RSU1: variants seen among roughly 807,000 people sequenced by gnomAD.
RSU1 encodes Ras suppressor protein 1.
Under a neutral mutation model 31.1 loss-of-function variants are expected in RSU1, and 26 were observed. The ratio of observed to expected loss-of-function variants is 0.84; its 90% CI spans 0.61 to 1.16. The LOEUF (loss-of-function observed/expected upper bound fraction) is 1.16. Ranked by LOEUF, RSU1 falls within the 50% of genes most tolerant of loss-of-function variation. The pLI is 0.00. For missense variants in RSU1, 320 were observed against 339.1 expected, an observed-to-expected ratio of 0.94 and a Z score of 0.44; for synonymous variants, 164 against 136.3, an observed-to-expected ratio of 1.20 and a Z score of -1.41.
rs374490732 is a variant in RSU1 at position 16,778,541 on chromosome 10, G to A, written c.160+3493C>T. Reference sequence around the variant, plus strand: ...CAAAAGCTGACCATCTATTTGGAGAGAGAAAAAAAACACAAAGGAAGAGAA... The same window carrying A: ...CAAAAGCTGACCATCTATTTGGAGAAAGAAAAAAAACACAAAGGAAGAGAA... On this transcript the variant is annotated intron_variant, in intron 3 of 8. Coordinates refer to ENST00000345264, the MANE Select transcript of RSU1 (RefSeq NM_012425.4). Among the ~76,000 whole-genome samples, 58 of 152,164 alleles carry A rather than the reference G, an allele frequency of 3.8e-4. No individual in the cohort carries two copies. In the East Asian group the frequency reaches 6.8e-3, roughly 18 times the overall value.
chr10:16,638,479 C>T (rs531881339), intron 8 of RSU1, among the ~76,000 whole-genome samples: 26 of 152,270 alleles, frequency 1.7e-4, no homozygotes, highest in Middle Eastern at 3.4e-3. Context: ...TAAACTAGCA[C>T]GGCATCTGCT....
At position 16,710,430 on chromosome 10, in the gene RSU1, A is replaced by G. The variant is rs1835992740; in HGVS notation, c.599-15275T>C. 2.0e-5 allele frequency among the ~76,000 whole-genome samples: 3 copies of G among 152,180 alleles called. No individual in the cohort carries two copies. In the South Asian group the frequency reaches 6.2e-4, roughly 31 times the overall value. On this transcript the variant is annotated intron_variant, in intron 7 of 8. Transcript: ENST00000345264. Reference sequence around the variant, plus strand: ...TTAATATCTTATTAAGAATTTCTGCATCTATGTTCACATTACAGATACTTA... The same window carrying G: ...TTAATATCTTATTAAGAATTTCTGCGTCTATGTTCACATTACAGATACTTA...
At chr10:16,710,867 C>G (rs1054850591) in intron 7 of RSU1, among the ~76,000 whole-genome samples, 3 of 152,064 alleles carry the variant, frequency 2.0e-5, no homozygotes, top group Non-Finnish European at 2.9e-5. Context: ...CTCCGTGTGT[C>G]CATGTGTTCT....
At chr10:16,613,702 T>G (rs575150773) in intron 8 of RSU1, among the ~76,000 whole-genome samples, 196 of 152,326 alleles carry the variant, frequency 1.3e-3, no homozygotes, top group African/African-American at 4.3e-3. Context: ...ACAGGCATGT[T>G]GCAGTAATGC....
At chr10:16,711,557 C>T (rs909498646) in intron 7 of RSU1, among the ~76,000 whole-genome samples, 1 of 152,130 alleles carries the variant, frequency 6.6e-6, no homozygotes, top group Non-Finnish European at 1.5e-5. Flanking sequence ...ACTGCTCTCT[C>T]GCTGTGTCTC....
chr10:16,634,513 T>C (rs1453282905), intron 8 of RSU1, among the ~76,000 whole-genome samples: 2 of 152,230 alleles, frequency 1.3e-5, no homozygotes, highest in African/African-American at 4.8e-5. Context: ...CAATGGTTTT[T>C]TGAAAGAATA....
intron 7 of RSU1, among the ~76,000 whole-genome samples, chr10:16,738,281 C>T (rs1564339061): frequency 6.6e-6 from 1 of 151,702 alleles, no homozygotes; most frequent in Non-Finnish European, 1.5e-5. Context: ...TCCGTCTCTA[C>T]TAAAAAAAAA....
At chr10:16,644,248 T>A (rs1175612951) in intron 8 of RSU1, among the ~76,000 whole-genome samples, 2 of 152,186 alleles carry the variant, frequency 1.3e-5, no homozygotes, top group African/African-American at 2.4e-5. Flanking sequence ...TGCTCCCCAA[T>A]GAAAATGACT....
intron 8 of RSU1, among the ~76,000 whole-genome samples, chr10:16,688,016 C>T (rs1265598344): frequency 6.6e-6 from 1 of 152,130 alleles, no homozygotes; most frequent in African/African-American, 2.4e-5. Flanking sequence ...AGCCACTGCA[C>T]CCAGCCTTCA....
Position 16,734,194 on chromosome 10 carries a change from G to A in RSU1, c.598+18345C>T, listed in dbSNP as rs191355060. ...ATCACCTTTTAAATGCAAGGGGGAA[G>A]AAAGCCAACACCTCTTTAAAGTTTA... is the stretch of plus-strand genomic sequence containing the variant. On this transcript the variant is annotated intron_variant, in intron 7 of 8. Coordinates refer to ENST00000345264, the MANE Select transcript of RSU1 (RefSeq NM_012425.4). Among the ~76,000 whole-genome samples the A allele has an allele frequency of 9.8e-4, 150 of 152,344 alleles. 1 individual carries two copies. The highest frequency in any genetic ancestry group is 3.3e-3 in the African/African-American group (138 of 41,578).
intron 8 of RSU1, among the ~76,000 whole-genome samples, chr10:16,668,707 C>G (rs371481791): frequency 2.0e-5 from 3 of 152,068 alleles, no homozygotes; most frequent in Admixed American, 6.6e-5. Context: ...CCTTTCTACT[C>G]CCCTTCCTCT....
chr10:16,686,812 G>A (rs1480308053), intron 8 of RSU1, among the ~76,000 whole-genome samples: 4 of 152,098 alleles, frequency 2.6e-5, no homozygotes, highest in Non-Finnish European at 5.9e-5. Flanking sequence ...TGTAGTGCAA[G>A]GTTCAGGATA....
At chr10:16,797,912 A>G (rs1377619094) in intron 2 of RSU1, among the ~76,000 whole-genome samples, 2 of 124,226 alleles carry the variant, frequency 1.6e-5, no homozygotes, top group Non-Finnish European at 3.1e-5. Context: ...CCCAGACTGG[A>G]GTGGAGCGGG....
intron 3 of RSU1, among the ~76,000 whole-genome samples, chr10:16,778,134 C>T (rs3864817): frequency 0.2 from 30,572 of 150,934 alleles, 3,307 homozygotes; most frequent in African/African-American, 0.29. Context: ...GATCCTCACA[C>T]TACAGCCTCC....
chr10:16,706,145 G>T (rs1835896739), intron 7 of RSU1, among the ~76,000 whole-genome samples: 1 of 152,128 alleles, frequency 6.6e-6, no homozygotes, highest in Non-Finnish European at 1.5e-5. Context: ...AATTATTTCG[G>T]GAATATACTC....
At chr10:16,804,081 A>G (rs1367065756) in intron 2 of RSU1, among the ~76,000 whole-genome samples, 1 of 152,222 alleles carries the variant, frequency 6.6e-6, no homozygotes, top group African/African-American at 2.4e-5. Context: ...CACATATCTG[A>G]TAAAGAACTA....
At chr10:16,757,429 C>G (rs1837119998) in intron 4 of RSU1, among the ~76,000 whole-genome samples, 3 of 152,128 alleles carry the variant, frequency 2.0e-5, no homozygotes, top group Admixed American at 6.5e-5. Flanking sequence ...CGGGTTCCCC[C>G]TGTCAGGCAG....
intron 8 of RSU1, among the ~76,000 whole-genome samples, chr10:16,633,354 A>G (rs113574242): frequency 0.012 from 1,767 of 152,270 alleles, 33 homozygotes; most frequent in African/African-American, 0.039. Flanking sequence ...AGCACAGCTT[A>G]GGGTATGATG....
chr10:16,626,450 G>A (rs188397870), intron 8 of RSU1, among the ~76,000 whole-genome samples: 36 of 152,228 alleles, frequency 2.4e-4, no homozygotes, highest in Admixed American at 2.0e-3. Context: ...ATGGGAATGC[G>A]CCACCATGCC....
Sources: allele counts gnomAD v4.1 joint callset (sites outside exome capture counted in the v4.1 genomes callset), GRCh38; gene constraint gnomAD v4.1.1; transcripts MANE v1.5; gene names NCBI Gene and HGNC (gene_info 2026-07-23, HGNC 2026-07-21).